WDFY3: variants seen among roughly 807,000 people sequenced by gnomAD.
WDFY3 encodes the protein WD repeat and FYVE domain-containing protein 3.
In WDFY3, 66 loss-of-function variants were observed where a neutral mutation model predicts 409.6. The observed-to-expected ratio is 0.16, with a 90% CI of 0.13 to 0.20. The LOEUF (loss-of-function observed/expected upper bound fraction) is 0.20. WDFY3 is among the 10% of genes least tolerant of loss of function. The pLI is 1.00. For missense variants in WDFY3, 3,031 were observed against 4,298.1 expected, an observed-to-expected ratio of 0.71 and a Z score of 8.24; for synonymous variants, 1,521 against 1,537.1, an observed-to-expected ratio of 0.99 and a Z score of 0.25.
intron 24 of WDFY3, 62 bp downstream of exon 24, chr4:84,785,917 G>C: frequency 3.8e-6 from 6 of 1,573,662 alleles, no homozygotes; most frequent in Non-Finnish European, 5.2e-6. Flanking sequence ...ATCCATATGA[G>C]ACTCTGAGAC....
intron 2 of WDFY3, among the ~76,000 whole-genome samples, chr4:84,910,078 AT>A (rs1767560642): frequency 6.6e-6 from 1 of 152,232 alleles, no homozygotes; most frequent in Non-Finnish European, 1.5e-5. Context: ...GAAAAAACAA[AT>A]TCCATCTGTA....
At chr4:84,931,210 A>C (rs1396050724) in intron 2 of WDFY3, among the ~76,000 whole-genome samples, 1 of 152,168 alleles carries the variant, frequency 6.6e-6, no homozygotes, top group Non-Finnish European at 1.5e-5. Context: ...ACTATATCTT[A>C]TTATTAGTTA....
rs551546628 is a variant in WDFY3 at position 84,913,892 on chromosome 4, C to G, written c.-131-16882G>C. On this transcript the variant is annotated intron_variant, in intron 2 of 67. Coordinates refer to ENST00000295888, the MANE Select transcript of WDFY3 (RefSeq NM_014991.6). ...TCTTCTGCTTCTGCCACTCCTAAGA[C>G]TGCCAAGACCAACCCCTTCTCTTCC... Among the ~76,000 whole-genome samples the G allele has an allele frequency of 2.0e-5, 3 of 152,240 alleles. No individual in the cohort carries two copies. In the South Asian group the frequency reaches 6.2e-4, roughly 32 times the overall value.
In WDFY3 at chr4:84,696,183, C is replaced by CT; in HGVS notation, c.8689-2dup. ...CACTCACGTAATCACACTCCAAAGC[C>CT]TGTAATTTCAAACATAGGTTTAGTC... On this transcript the variant is annotated splice_acceptor_variant, in intron 57 of 67. Coordinates refer to ENST00000295888, the MANE Select transcript of WDFY3 (RefSeq NM_014991.6). LOFTEE classifies it high-confidence loss of function. The CT allele has an allele frequency of 6.2e-7, 1 of 1,613,762 alleles. No homozygotes were observed. The highest frequency in any genetic ancestry group is 8.5e-7 in the Non-Finnish European group (1 of 1,179,830).
chr4:84,830,168 T>C (rs1240976845), intron 8 of WDFY3, among the ~76,000 whole-genome samples: 1 of 152,190 alleles, frequency 6.6e-6, no homozygotes, highest in Admixed American at 6.5e-5. Flanking sequence ...CAAATTGGTG[T>C]ATTAATTATT....
chr4:84,962,776 C>T lies in WDFY3; in HGVS notation c.-226+3433G>A, dbSNP rs186837598. Among the ~76,000 whole-genome samples the T allele has an allele frequency of 2.1e-3, 323 of 151,294 alleles. 2 individuals carry two copies. The highest frequency in any genetic ancestry group is 7.5e-3 in the African/African-American group (310 of 41,158). On this transcript the variant is annotated intron_variant, in intron 1 of 67. Coordinates refer to ENST00000295888, the MANE Select transcript of WDFY3 (RefSeq NM_014991.6). ...GCAACCTCCACCTCCCCAGTTCAAG[C>T]GATTCTCCTGCCTCAGCCTCCCGAG... is the stretch of plus-strand genomic sequence containing the variant.
At chr4:84,820,335 C>T in intron 11 of WDFY3, 149 bp from the exon 12 acceptor site, 1 of 521,852 alleles carries the variant, frequency 1.9e-6, no homozygotes, top group African/African-American at 2.0e-5. Flanking sequence ...ACGATGCATG[C>T]ATCCAACATT....
At chr4:84,830,785 ACTT>A (rs550178645) in intron 8 of WDFY3, among the ~76,000 whole-genome samples, 142 of 152,306 alleles carry the variant, frequency 9.3e-4, no homozygotes, top group Non-Finnish European at 1.6e-3. Flanking sequence ...TATCAAAAAA[ACTT>A]CTTTTTTATT....
intron 45 of WDFY3, among the ~76,000 whole-genome samples, chr4:84,725,078 A>C (rs1295764796): frequency 6.6e-6 from 1 of 152,104 alleles, no homozygotes. Flanking sequence ...GGAGGTAGAG[A>C]CTCAACTGGC....
rs978302621 is a variant in WDFY3, at chr4:84,875,439, C to G, written c.-31-14817G>C. ...AGTGAGCAGTGAATGAACGTGAAGGCCTAGGACATCTGAATACATTGTAGA... is the reference window on the plus strand; with the variant it reads ...AGTGAGCAGTGAATGAACGTGAAGGGCTAGGACATCTGAATACATTGTAGA... On this transcript the variant is annotated intron_variant, in intron 3 of 67. Transcript: ENST00000295888. 3.5e-4 allele frequency among the ~76,000 whole-genome samples: 54 copies of G among 152,174 alleles called. 1 individual carries two copies. Among genetic ancestry groups the G allele is most frequent in the African/African-American group, 1.2e-3 (51 of 41,498 alleles).
rs73831553 is a variant in WDFY3 at position 84,695,076 on chromosome 4, G to C, written c.8901+894C>G. On this transcript the variant is annotated intron_variant, in intron 58 of 67. Transcript: ENST00000295888. ...TAAAGGTGGGTGGCCTCACCAGCTC[G>C]TCAAAGTGTGCCTTCTCCACACTGT... Among the ~76,000 whole-genome samples, 1,102 of 152,170 alleles carry C rather than the reference G, an allele frequency of 7.2e-3. 13 individuals are homozygous for C. Among genetic ancestry groups the C allele is most frequent in the African/African-American group, 0.026 (1,064 of 41,522 alleles).
chr4:84,682,336 G>C (rs1727509494), intron 64 of WDFY3, 38 bp downstream of exon 64: 1 of 1,575,966 alleles, frequency 6.3e-7, no homozygotes, highest in African/African-American at 1.4e-5. Flanking sequence ...AAAGAAATAT[G>C]AAAACGATTT....
Position 84,794,623 on chromosome 4 carries a change from C to G in WDFY3, c.3383G>C (p.Arg1128Pro). ...HPVRLLTVVR[R>P]ANSSEQHYVC... The stretch of plus-strand genomic sequence containing the variant: ...GTAATGTTGCTCAGAAGAATTTGCT[C>G]GGCGCACAACAGTAAGAAGTCTGAC... Residue 1128 changes from arginine (R) to proline (P), a missense_variant, in exon 21 of 68, where the codon CGA (arginine) becomes CCA (proline). By Grantham distance (103) the Arg-to-Pro change is moderately radical. Transcript: ENST00000295888. 4.3e-6 allele frequency: 7 copies of G among 1,613,812 alleles called. No homozygotes were observed. Among genetic ancestry groups the G allele is most frequent in the Non-Finnish European group, 5.9e-6 (7 of 1,179,984 alleles).
At chr4:84,737,162 G>T (rs1560628261) in intron 41 of WDFY3, 22 bp downstream of exon 41, 1 of 1,613,516 alleles carries the variant, frequency 6.2e-7, no homozygotes, top group Admixed American at 1.7e-5. Context: ...TCTCCTGGTG[G>T]TATGATCTCT....
chr4:84,790,000 T>A, intron 21 of WDFY3, 93 bp from the exon 22 acceptor site: 3 of 1,263,792 alleles, frequency 2.4e-6, no homozygotes, highest in South Asian at 1.4e-5. Flanking sequence ...GACTTTATGT[T>A]AAAACAAAAT....
At chr4:84,883,632 G>A (rs1370306652) in intron 3 of WDFY3, among the ~76,000 whole-genome samples, 1 of 152,020 alleles carries the variant, frequency 6.6e-6, no homozygotes, top group African/African-American at 2.4e-5. Context: ...TATCATTACT[G>A]AAGGATTAAG....
At chr4:84,697,429 G>GA (rs1181030028) in intron 56 of WDFY3, among the ~76,000 whole-genome samples, 1 of 152,046 alleles carries the variant, frequency 6.6e-6, no homozygotes, top group Non-Finnish European at 1.5e-5. Context: ...TCATTTAACA[G>GA]AAAAAATATT....
At chr4:84,938,602 C>A (rs1316390120) in intron 1 of WDFY3, among the ~76,000 whole-genome samples, 20 of 152,028 alleles carry the variant, frequency 1.3e-4, no homozygotes, top group Admixed American at 1.0e-3. Context: ...GAACCAAGCT[C>A]TTTATAAATG....
intron 16 of WDFY3, among the ~76,000 whole-genome samples, chr4:84,802,345 C>T (rs1434370139): frequency 2.7e-5 from 4 of 149,482 alleles, no homozygotes; most frequent in Admixed American, 2.0e-4. Flanking sequence ...CTGCAACCTC[C>T]GCCTCCTGGG....
Sources: gnomAD v4.1 joint callset for allele counts (sites outside exome capture counted in the v4.1 genomes callset) on GRCh38, gnomAD v4.1.1 for gene constraint, MANE v1.5 for transcripts, NCBI Gene and HGNC (gene_info 2026-07-23, HGNC 2026-07-21) for gene names.